Variants in CCDC83 observed in about 807,000 individuals in gnomAD.
CCDC83 encodes coiled-coil domain containing 83.
In CCDC83, 54 loss-of-function variants were observed where a neutral mutation model predicts 50.1. The observed-to-expected ratio is 1.08, with a 90% CI of 0.87 to 1.35. CCDC83 has a LOEUF of 1.35. Among genes scored for constraint, CCDC83 ranks in the 40% most tolerant of loss-of-function variants. The probability of loss-of-function intolerance (pLI) is 0.00; values close to 1 mark genes in which losing one functional copy is unlikely to be tolerated. For synonymous variants in CCDC83, 161 were observed against 153.3 expected (o/e 1.05, Z -0.37); for missense variants, 518 against 473.9 (o/e 1.09, Z -0.86).
chr11:85,915,550 C>T, intron 9 of CCDC83, 52 bp downstream of exon 9: 1 of 1,350,972 alleles, frequency 7.4e-7, no homozygotes, highest in Non-Finnish European at 1.0e-6. Context: ...TCTTGTTTTT[C>T]AATTTAAAAA....
rs982264915 is a variant in CCDC83, at chr11:85,863,642, G to A, written c.-28-1454G>A. Among the ~76,000 whole-genome samples the A allele has an allele frequency of 4.6e-5, 7 of 152,196 alleles. No individual in the cohort carries two copies. In the East Asian group the frequency reaches 7.7e-4, roughly 17 times the overall value. On this transcript the variant is annotated intron_variant, in intron 1 of 10. Coordinates refer to ENST00000342404, the MANE Select transcript of CCDC83 (RefSeq NM_001286159.2). ...GGCAGCATGTCTACAGAGAAAAAGC[G>A]TGTTTTCATATTAACAAGTTTCTCC...
chr11:85,872,990 A>ATTT (rs370665181), intron 2 of CCDC83, among the ~76,000 whole-genome samples: 94 of 150,682 alleles, frequency 6.2e-4, no homozygotes, highest in Middle Eastern at 3.4e-3. Flanking sequence ...ATGAACAGGG[A>ATTT]TTTTTTTTTC....
intron 7 of CCDC83, among the ~76,000 whole-genome samples, chr11:85,903,587 G>A (rs2093412161): frequency 6.6e-6 from 1 of 152,106 alleles, no homozygotes; most frequent in African/African-American, 2.4e-5. Context: ...ACAGGCGTGA[G>A]CCACCACCCC....
chr11:85,919,395 A>G lies in CCDC83; in HGVS notation c.1127A>G (p.Glu376Gly), dbSNP rs2093497989. 6.2e-7 allele frequency: 1 copy of G among 1,613,726 alleles called. No homozygotes were observed. The highest frequency in any genetic ancestry group is 8.5e-7 in the Non-Finnish European group (1 of 1,179,858). ...CTGGGAGTGAAGCTTATGAGTGTGG[A>G]GAGCAAGAAAATGCCCATTCATTTT... The part of the protein sequence containing the change: ...GPLGVKLMSV[E>G]SKKMPIHFQE... The change falls in exon 11 of 11, where the codon GAG (glutamate) becomes GGG (glycine). Residue 376 changes from glutamate to glycine, a missense_variant. Coordinates refer to ENST00000342404, the MANE Select transcript of CCDC83 (RefSeq NM_001286159.2).
intron 5 of CCDC83, among the ~76,000 whole-genome samples, chr11:85,893,714 C>T (rs2093360102): frequency 6.6e-6 from 1 of 152,168 alleles, no homozygotes; most frequent in African/African-American, 2.4e-5. Context: ...CTTTTAGGAG[C>T]GCAAACCCTA....
intron 2 of CCDC83, among the ~76,000 whole-genome samples, chr11:85,867,375 T>TA (rs112777399): frequency 1.3e-5 from 2 of 152,054 alleles, no homozygotes; most frequent in Admixed American, 6.6e-5. Context: ...GGATTTATTT[T>TA]AAAAAATGTA....
At chr11:85,901,315 G>C (rs989576273) in intron 7 of CCDC83, among the ~76,000 whole-genome samples, 3 of 152,060 alleles carry the variant, frequency 2.0e-5, no homozygotes, top group Non-Finnish European at 4.4e-5. Context: ...GCCCATGCCT[G>C]TAATTCCAGC....
In CCDC83 at chr11:85,895,295, C is replaced by T. The variant is rs749065645; in HGVS notation, c.514C>T (p.His172Tyr). The change falls in exon 6 of 11, where the codon CAC becomes TAC. Residue 172 changes from histidine to tyrosine, a missense_variant and splice_region_variant. By Grantham distance (83) the His-to-Tyr change is moderately conservative. Transcript: ENST00000342404. ...TTTTTTTTTTTTTTTTTTTAAAGAA[C>T]ACTATAAAATCACTCTGGAAGATAC... is the stretch of plus-strand genomic sequence containing the variant. Reference protein sequence around the residue: ...VKENAEKMSEHYKITLEDTRK... With the variant: ...VKENAEKMSEYYKITLEDTRK... 6.5e-6 allele frequency: 3 copies of T among 461,732 alleles called. No homozygotes were observed. The highest frequency in any genetic ancestry group is 7.8e-5 in the African/African-American group (2 of 25,726). 28.6% of individuals were successfully genotyped at this position (461,732 alleles called of 1,614,324 possible). A position where few individuals can be genotyped will look rare whatever the true frequency, so the allele number is the denominator to read the frequency against.
At chr11:85,887,802 C>CT (rs372106214) in intron 5 of CCDC83, among the ~76,000 whole-genome samples, 53,883 of 119,868 alleles carry the variant, frequency 0.45, 13,249 homozygotes, top group Non-Finnish European at 0.48. Flanking sequence ...TTTATTGTAC[C>CT]TTTTTTTTTT....
At chr11:85,890,422 GA>G (rs1427804613) in intron 5 of CCDC83, among the ~76,000 whole-genome samples, 1 of 152,132 alleles carries the variant, frequency 6.6e-6, no homozygotes, top group Non-Finnish European at 1.5e-5. Context: ...GTCCCCAACA[GA>G]AAAACAGGGA....
chr11:85,887,004 AG>A (rs781588056), intron 5 of CCDC83, among the ~76,000 whole-genome samples: 28 of 152,170 alleles, frequency 1.8e-4, no homozygotes, highest in Admixed American at 2.6e-4. Context: ...GAGTGTCCTG[AG>A]GCCAGGTTAT....
At chr11:85,866,246 TC>T (rs945101689) in intron 2 of CCDC83, among the ~76,000 whole-genome samples, 8 of 152,306 alleles carry the variant, frequency 5.3e-5, no homozygotes, top group Admixed American at 5.2e-4. Flanking sequence ...GAAATATACT[TC>T]ATTCATGTAC....
At chr11:85,875,277 C>T (rs569079633) in intron 3 of CCDC83, among the ~76,000 whole-genome samples, 2 of 152,326 alleles carry the variant, frequency 1.3e-5, no homozygotes, top group East Asian at 1.9e-4. Flanking sequence ...GAGGAAAGCT[C>T]GCCAAACAGG....
intron 4 of CCDC83, among the ~76,000 whole-genome samples, chr11:85,883,394 C>A (rs1013286114): frequency 4.6e-5 from 7 of 151,346 alleles, no homozygotes; most frequent in Non-Finnish European, 2.9e-5. Context: ...AAAAATGTTT[C>A]TCCCAATATC....
intron 5 of CCDC83, among the ~76,000 whole-genome samples, chr11:85,889,552 G>A (rs1394024549): frequency 6.6e-6 from 1 of 152,206 alleles, no homozygotes; most frequent in East Asian, 1.9e-4. Flanking sequence ...CATCCAGGTA[G>A]CAGCAGCCAC....
chr11:85,857,707 G>A (rs921398140), intron 1 of CCDC83, among the ~76,000 whole-genome samples: 5 of 152,178 alleles, frequency 3.3e-5, no homozygotes, highest in South Asian at 2.1e-4. Context: ...GGCCACAGAC[G>A]TGATGATTGC....
chr11:85,891,989 T>G (rs2093352540), intron 5 of CCDC83, among the ~76,000 whole-genome samples: 1 of 152,192 alleles, frequency 6.6e-6, no homozygotes, highest in South Asian at 2.1e-4. Flanking sequence ...GGCCAGTGTT[T>G]CTGCTAGCTC....
intron 1 of CCDC83, among the ~76,000 whole-genome samples, chr11:85,856,184 C>CAGA (rs1208874259): frequency 1.1e-5 from 1 of 94,882 alleles, no homozygotes; most frequent in African/African-American, 4.0e-5. Flanking sequence ...CTATCTAAGC[C>CAGA]AAAAAAAAAA....
chr11:85,915,270 C>T (rs2093472496), intron 8 of CCDC83, 149 bp from the exon 9 acceptor site: 4 of 583,242 alleles, frequency 6.9e-6, no homozygotes, highest in East Asian at 2.9e-5. Context: ...CTGTCTGCCA[C>T]CCCACTGGGC....
Sources: allele counts gnomAD v4.1 joint callset (sites outside exome capture counted in the v4.1 genomes callset), GRCh38; gene constraint gnomAD v4.1.1; transcripts MANE v1.5; gene names NCBI Gene and HGNC (gene_info 2026-07-23, HGNC 2026-07-21).